Variants in IQSEC1 observed in about 807,000 individuals in gnomAD.
IQSEC1 encodes IQ motif and Sec7 domain ArfGEF 1.
Under a neutral mutation model 91.0 loss-of-function variants are expected in IQSEC1, and 31 were observed. The ratio of observed to expected loss-of-function variants is 0.34; its 90% CI spans 0.26 to 0.46. The LOEUF is 0.46. Ranked by LOEUF, IQSEC1 falls within the 20% of genes least tolerant of loss-of-function variation. The probability of loss-of-function intolerance (pLI) is 1.00; values close to 1 mark genes in which losing one functional copy is unlikely to be tolerated. For missense variants in IQSEC1, 1,388 were observed against 1,575.6 expected, an observed-to-expected ratio of 0.88 and a Z score of 2.02; for synonymous variants, 699 against 662.6, an observed-to-expected ratio of 1.05 and a Z score of -0.84.
chr3:12,986,190 T>C (rs1475167793), intron 1 of IQSEC1, among the ~76,000 whole-genome samples: 2 of 152,208 alleles, frequency 1.3e-5, no homozygotes, highest in African/African-American at 4.8e-5. Context: ...GACAGCATGC[T>C]ACAGGGAAGG....
At chr3:13,052,517 G>C (rs1158257371) in intron 1 of IQSEC1, among the ~76,000 whole-genome samples, 1 of 152,342 alleles carries the variant, frequency 6.6e-6, no homozygotes, top group East Asian at 1.9e-4. Flanking sequence ...TCTTGGACCG[G>C]TGTTTGTGTA....
intron 1 of IQSEC1, among the ~76,000 whole-genome samples, chr3:13,229,609 T>G (rs1429551237): frequency 6.6e-6 from 1 of 152,180 alleles, no homozygotes; most frequent in Non-Finnish European, 1.5e-5. Flanking sequence ...AGGGACTTCG[T>G]CAGGGAAAAG....
At chr3:13,015,587 G>C in intron 1 of IQSEC1, 2 of 985,380 alleles carry the variant, frequency 2.0e-6, no homozygotes, top group Non-Finnish European at 2.4e-6. Context: ...CAGTCTCAAA[G>C]TGGAGGGGGC....
intron 2 of IQSEC1, among the ~76,000 whole-genome samples, chr3:13,097,627 C>T (rs1006700941): frequency 1.3e-5 from 2 of 152,218 alleles, no homozygotes; most frequent in Non-Finnish European, 2.9e-5. Flanking sequence ...TGATAAACCT[C>T]CTCTGGGCCT....
At chr3:13,119,279 C>G (rs1219884944) in intron 2 of IQSEC1, among the ~76,000 whole-genome samples, 1 of 152,190 alleles carries the variant, frequency 6.6e-6, no homozygotes, top group Non-Finnish European at 1.5e-5. Context: ...GTCTCTCCAA[C>G]TCTGTCATTA....
At chr3:13,210,378 C>G (rs953593301) in intron 1 of IQSEC1, among the ~76,000 whole-genome samples, 1 of 152,114 alleles carries the variant, frequency 6.6e-6, no homozygotes, top group Non-Finnish European at 1.5e-5. Flanking sequence ...GAGAATGTTT[C>G]ACGCAGCTGG....
intron 1 of IQSEC1, among the ~76,000 whole-genome samples, chr3:13,247,916 G>T (rs1178470459): frequency 1.3e-5 from 2 of 152,176 alleles, no homozygotes; most frequent in Non-Finnish European, 2.9e-5. Flanking sequence ...TGTCTTCCTG[G>T]GGTTCCAGTG....
intron 1 of IQSEC1, among the ~76,000 whole-genome samples, chr3:13,215,365 C>G (rs1694523982): frequency 6.6e-6 from 1 of 151,590 alleles, no homozygotes; most frequent in Admixed American, 6.6e-5. Context: ...AGTACCTGCT[C>G]CAGGAGCACA....
intron 1 of IQSEC1, among the ~76,000 whole-genome samples, chr3:13,208,356 C>T (rs531045028): frequency 6.6e-6 from 1 of 152,208 alleles, no homozygotes; most frequent in South Asian, 2.1e-4. Context: ...AGCGTCTTCT[C>T]CAGCCCCAGA....
At chr3:13,011,512 A>G (rs1175172487) in intron 1 of IQSEC1, among the ~76,000 whole-genome samples, 1 of 152,216 alleles carries the variant, frequency 6.6e-6, no homozygotes, top group African/African-American at 2.4e-5. Flanking sequence ...AGGGGGTTAC[A>G]GCAACTGTAG....
exon 1 of IQSEC1, among the ~76,000 whole-genome samples, chr3:13,283,003 G>A (rs1465135337): frequency 2.7e-5 from 4 of 145,596 alleles, no homozygotes; most frequent in African/African-American, 9.8e-5. Flanking sequence ...CCGGAGGCCG[G>A]CCGCGCCTCA....
At chr3:12,966,046 G>A (rs1203463443) in intron 1 of IQSEC1, among the ~76,000 whole-genome samples, 5 of 152,234 alleles carry the variant, frequency 3.3e-5, no homozygotes, top group African/African-American at 1.2e-4. Context: ...GGTACCACAA[G>A]GGTAAGAAGC....
intron 1 of IQSEC1, among the ~76,000 whole-genome samples, chr3:13,048,446 C>T (rs1028288106): frequency 3.3e-5 from 5 of 152,210 alleles, no homozygotes; most frequent in Admixed American, 6.5e-5. Flanking sequence ...ACCTGCCTTC[C>T]GGCATGGGGC....
At chr3:13,246,735 C>G (rs374885510) in intron 1 of IQSEC1, among the ~76,000 whole-genome samples, 6 of 152,232 alleles carry the variant, frequency 3.9e-5, no homozygotes, top group African/African-American at 1.4e-4. Flanking sequence ...GTGGCTGATG[C>G]AGGAATGGGT....
chr3:12,901,780 G>A (rs993073031), intron 13 of IQSEC1, among the ~76,000 whole-genome samples: 3 of 152,244 alleles, frequency 2.0e-5, no homozygotes, highest in South Asian at 2.1e-4. Context: ...TGACCACCAC[G>A]GCAGAAGTAG....
At chr3:12,949,588 T>C (rs1699404466) in intron 1 of IQSEC1, among the ~76,000 whole-genome samples, 2 of 152,236 alleles carry the variant, frequency 1.3e-5, no homozygotes, top group African/African-American at 4.8e-5. Context: ...GCACAATTCA[T>C]TTCCAGCCCT....
intron 1 of IQSEC1, among the ~76,000 whole-genome samples, chr3:13,229,726 C>G (rs578037581): frequency 6.6e-6 from 1 of 152,344 alleles, no homozygotes; most frequent in South Asian, 2.1e-4. Flanking sequence ...ACACTGTTCC[C>G]CCTGCTGGGA....
At chr3:13,186,941 C>T (rs983539531) in intron 1 of IQSEC1, among the ~76,000 whole-genome samples, 2 of 152,098 alleles carry the variant, frequency 1.3e-5, no homozygotes, top group Non-Finnish European at 2.9e-5. Context: ...TCTGCCCTTC[C>T]TCTCTTCCAT....
chr3:12,952,936 G>A (rs1357169160), intron 1 of IQSEC1, among the ~76,000 whole-genome samples: 3 of 152,236 alleles, frequency 2.0e-5, no homozygotes, highest in Non-Finnish European at 2.9e-5. Flanking sequence ...ATGGTGACAG[G>A]CAGCGACCCT....
Sources: allele counts gnomAD v4.1 joint callset (sites outside exome capture counted in the v4.1 genomes callset), GRCh38; gene constraint gnomAD v4.1.1; transcripts MANE v1.5; gene names NCBI Gene and HGNC (gene_info 2026-07-23, HGNC 2026-07-21).